The following PDGFRB variants were observed in gnomAD, a reference collection of about 807,000 sequenced individuals.
PDGFRB encodes platelet derived growth factor receptor beta.
A neutral mutation model predicts 120.2 loss-of-function variants in PDGFRB; 42 were observed. The observed-to-expected ratio is 0.35, with a 90% CI of 0.27 to 0.45. The LOEUF is 0.45. PDGFRB is among the 20% of genes least tolerant of loss of function. The pLI is 1.00. For synonymous variants in PDGFRB, 586 were observed against 606.8 expected, an observed-to-expected ratio of 0.97 and a Z score of 0.50; for missense variants, 1,149 against 1,476.3, an observed-to-expected ratio of 0.78 and a Z score of 3.63.
intron 21 of PDGFRB, 148 bp from the exon 22 acceptor site, chr5:150,117,998 G>C: frequency 1.6e-6 from 1 of 616,528 alleles, no homozygotes; most frequent in East Asian, 2.8e-5. Context: ...CCACATGGTT[G>C]AGCTGCCCTC....
At chr5:150,150,555 T>G (rs1475933241) in intron 1 of PDGFRB, among the ~76,000 whole-genome samples, 2 of 104,466 alleles carry the variant, frequency 1.9e-5, no homozygotes, top group Non-Finnish European at 4.3e-5. Context: ...CACTTTGATT[T>G]TCAGCCTCCT....
At chr5:150,139,765 A>C (rs1296781069) in intron 1 of PDGFRB, among the ~76,000 whole-genome samples, 1 of 151,990 alleles carries the variant, frequency 6.6e-6, no homozygotes, top group Non-Finnish European at 1.5e-5. Context: ...GCGGATCACG[A>C]GGTTGAGAGA....
At chr5:150,124,041 C>T (rs1760219761) in intron 14 of PDGFRB, 2 of 403,376 alleles carry the variant, frequency 5.0e-6, no homozygotes, top group African/African-American at 2.0e-5. Flanking sequence ...GGTGACCTGA[C>T]TAATCCTTCA....
At chr5:150,127,238 C>T (rs1760320109) in intron 10 of PDGFRB, among the ~76,000 whole-genome samples, 1 of 152,172 alleles carries the variant, frequency 6.6e-6, no homozygotes, top group African/African-American at 2.4e-5. Flanking sequence ...TTACAAGCCT[C>T]GAGTCTCCTC....
In PDGFRB at chr5:150,132,502, T is replaced by C. The variant is rs184384880; in HGVS notation, c.1127+248A>G. 8.5e-3 allele frequency among the ~76,000 whole-genome samples: 1,293 copies of C among 152,282 alleles called. 13 individuals carry two copies. Among genetic ancestry groups the C allele is most frequent in the Middle Eastern group, 0.02 (6 of 294 alleles). On this transcript the variant is annotated intron_variant, in intron 7 of 22. Transcript: ENST00000261799. The surrounding 1 kb of genome is among the most constrained non-coding windows in gnomAD (Gnocchi z 5.0). ...CCGTTTACTTCTTGGCTGCTACTGC[T>C]GGCCCCACCCATCACAAGGACAACT...
At chr5:150,117,552 A>C (rs866543407) in intron 22 of PDGFRB, 66 bp downstream of exon 22, 1 of 719,186 alleles carries the variant, frequency 1.4e-6, no homozygotes. Context: ...GCGCACACAC[A>C]CACACACACA....
intron 12 of PDGFRB, among the ~76,000 whole-genome samples, chr5:150,125,135 G>C (rs138173937): frequency 6.6e-5 from 10 of 152,030 alleles, no homozygotes; most frequent in African/African-American, 2.4e-4. Context: ...AAGGGAGCAC[G>C]CTTCTCTGTA....
rs1056004345 is a variant in PDGFRB, at chr5:150,121,141, C to T, written c.2463+63G>A. The T allele has an allele frequency of 6.7e-6, 9 of 1,344,424 alleles. No individual in the cohort carries two copies. In the Admixed American group the frequency reaches 1.0e-4, roughly 15 times the overall value. The allele number at this position is 1,344,424 out of a possible 1,614,324, so 83.3% of individuals were successfully genotyped here. On this transcript the variant is annotated intron_variant, in intron 17 of 22. Coordinates refer to ENST00000261799, the MANE Select transcript of PDGFRB (RefSeq NM_002609.4). This position sits in a 1 kb window ranked among gnomAD's most constrained non-coding sequence, Gnocchi z 4.1. The stretch of plus-strand genomic sequence containing the variant: ...CACCCTGGTGTGCTCTTGGAGGATG[C>T]TGGCTGGCTGGGTGACCCACCTCCC...
At chr5:150,116,060 C>A in intron 22 of PDGFRB, 114 bp from the exon 23 acceptor site, 1 of 850,396 alleles carries the variant, frequency 1.2e-6, no homozygotes, top group Non-Finnish European at 1.8e-6. Flanking sequence ...TCACACACTC[C>A]GGCTCATTTA....
intron 13 of PDGFRB, 44 bp downstream of exon 13, chr5:150,124,683 G>A: frequency 1.1e-6 from 1 of 912,342 alleles, no homozygotes; most frequent in Non-Finnish European, 1.8e-6. Flanking sequence ...GAGGGGCAGG[G>A]AGAGGTGAAG....
At chr5:150,129,292 T>A (rs1478584487) in intron 10 of PDGFRB, among the ~76,000 whole-genome samples, 1 of 152,332 alleles carries the variant, frequency 6.6e-6, no homozygotes, top group Non-Finnish European at 1.5e-5. Context: ...TTAGGCATGC[T>A]CATGTACATG....
chr5:150,118,977 G>T, intron 20 of PDGFRB, 125 bp from the exon 21 acceptor site: 1 of 640,182 alleles, frequency 1.6e-6, no homozygotes. Flanking sequence ...GGAGGGAAGT[G>T]GTGGCTGGGT....
intron 11 of PDGFRB, 40 bp downstream of exon 11, chr5:150,126,480 A>T (rs1427829604): frequency 9.7e-7 from 1 of 1,026,884 alleles, no homozygotes. Context: ...CAAAATAATG[A>T]TGTGCCAGTC....
At chr5:150,118,647 G>A in intron 21 of PDGFRB, 100 bp downstream of exon 21, 1 of 775,786 alleles carries the variant, frequency 1.3e-6, no homozygotes, top group Non-Finnish European at 2.3e-6. Context: ...GACAAAGGGT[G>A]GTCCCCTAAA....
Position 150,133,904 on chromosome 5 carries a change from C to T in PDGFRB, c.736G>A (p.Glu246Lys), listed in dbSNP as rs1760550509. Residue 246 changes from glutamate (E) to lysine (K), a missense_variant, in exon 5 of 23, where the codon GAG becomes AAG. By Grantham distance (56) the Glu-to-Lys change is moderately conservative. Transcript: ENST00000261799. ...IVIGNEVVNF[E>K]WTYPRKESGR... ...ACTTCTTTGCGGGGGTATGTCCACT[C>T]GAAGTTGACCACCTCATTCCCGATC... is the stretch of plus-strand genomic sequence containing the variant. The T allele has an allele frequency of 1.2e-6, 2 of 1,613,988 alleles. No individual in the cohort carries two copies. Among genetic ancestry groups the T allele is most frequent in the South Asian group, 1.1e-5 (1 of 91,076 alleles).
chr5:150,128,739 G>A (rs955300435), intron 10 of PDGFRB, among the ~76,000 whole-genome samples: 3 of 152,148 alleles, frequency 2.0e-5, no homozygotes, highest in Non-Finnish European at 4.4e-5. Flanking sequence ...TCCCATAGCT[G>A]GGCATGGGAC....
At position 150,124,716 on chromosome 5, in the gene PDGFRB, G is replaced by C; in HGVS notation, c.1912+11C>G. 7.5e-7 allele frequency: 1 copy of C among 1,340,746 alleles called. No homozygotes were observed. Among genetic ancestry groups the C allele is most frequent in the Non-Finnish European group, 1.1e-6 (1 of 937,244 alleles). 83.1% of individuals were successfully genotyped at this position (1,340,746 alleles called of 1,614,324 possible). A position where few individuals can be genotyped will look rare whatever the true frequency, so the allele number is the denominator to read the frequency against. On this transcript the variant is annotated intron_variant, in intron 13 of 22. Transcript: ENST00000261799. ...AAGGCCCAGATGTGGAGGGCTCCAA[G>C]GACTACTCACATTTAAGCATCTTGA... is the stretch of plus-strand genomic sequence containing the variant.
At chr5:150,150,987 A>G (rs1761062574) in intron 1 of PDGFRB, among the ~76,000 whole-genome samples, 1 of 152,182 alleles carries the variant, frequency 6.6e-6, no homozygotes, top group Non-Finnish European at 1.5e-5. Flanking sequence ...GAACTGTAGG[A>G]GCCCTCTGAG....
At position 150,115,152 on chromosome 5, in the gene PDGFRB, C is replaced by A. The variant is rs1448021169; in HGVS notation, c.*611G>T. The A allele has an allele frequency of 4.3e-6, 1 of 233,062 alleles. No individual in the cohort carries two copies. The highest frequency in any genetic ancestry group is 8.5e-6 in the Non-Finnish European group (1 of 118,008). 14.4% of individuals were successfully genotyped at this position (233,062 alleles called of 1,614,324 possible). A position where few individuals can be genotyped will look rare whatever the true frequency, so the allele number is the denominator to read the frequency against. ...GGCTCAGCCTCCAGCATTAATTAGG[C>A]TGCCTAATGGCCCCAGACCAGCTCG... is the stretch of plus-strand genomic sequence containing the variant. On this transcript the variant is annotated 3_prime_UTR_variant, in exon 23 of 23. Coordinates refer to ENST00000261799, the MANE Select transcript of PDGFRB (RefSeq NM_002609.4).
Sources: allele counts gnomAD v4.1 joint callset (sites outside exome capture counted in the v4.1 genomes callset), GRCh38; gene constraint gnomAD v4.1.1; non-coding constraint Gnocchi (gnomAD v3.1); transcripts MANE v1.5; gene names NCBI Gene and HGNC (gene_info 2026-07-23, HGNC 2026-07-21).